Variants in GRID1 observed in about 807,000 individuals in gnomAD.
GRID1 encodes glutamate ionotropic receptor delta type subunit 1.
In GRID1, 28 loss-of-function variants were observed where a neutral mutation model predicts 98.0. The observed-to-expected ratio is 0.29, with a 90% CI of 0.21 to 0.39. The LOEUF (loss-of-function observed/expected upper bound fraction) is 0.39, where lower values mean the gene tolerates loss of function less well. GRID1 is among the 10% of genes least tolerant of loss of function. GRID1 has a pLI of 1.00. For missense variants in GRID1, 1,111 were observed against 1,340.5 expected (o/e 0.83, Z 2.67); for synonymous variants, 553 against 538.5 (o/e 1.03, Z -0.37).
At chr10:86,226,730 C>T (rs1846356822) in intron 2 of GRID1, among the ~76,000 whole-genome samples, 1 of 148,880 alleles carries the variant, frequency 6.7e-6, no homozygotes, top group African/African-American at 2.5e-5. Context: ...AAGTCCCAGC[C>T]CGGCCTCCTC....
intron 3 of GRID1, among the ~76,000 whole-genome samples, chr10:86,150,687 C>T (rs1380556935): frequency 6.6e-6 from 1 of 152,154 alleles, no homozygotes; most frequent in Non-Finnish European, 1.5e-5. Context: ...AAAATCCTAA[C>T]CCTCAAGGTG....
rs994103061 is a variant in GRID1, at chr10:86,234,174, C to T, written c.236-27526G>A. ...GTTTGCTACCAGACCTTAGCTGGCC[C>T]GGCAGAAATGCTCCATCCCCCTTTT... is the stretch of plus-strand genomic sequence containing the variant. On this transcript the variant is annotated intron_variant, in intron 2 of 15. Transcript: ENST00000327946. Among the ~76,000 whole-genome samples, 7 of 152,246 alleles carry T rather than the reference C, an allele frequency of 4.6e-5. 1 individual carries two copies. Among genetic ancestry groups the T allele is most frequent in the South Asian group, 4.2e-4 (2 of 4,818 alleles).
intron 12 of GRID1, among the ~76,000 whole-genome samples, chr10:85,652,703 C>T (rs972420734): frequency 4.6e-5 from 7 of 152,168 alleles, no homozygotes; most frequent in Admixed American, 3.9e-4. Flanking sequence ...TTCCAGAGGG[C>T]ACCATGACCC....
Position 86,138,810 on chromosome 10 carries a change from A to C in GRID1, c.726+9T>G. On this transcript the variant is annotated intron_variant, in intron 4 of 15. Transcript: ENST00000327946. ...CAGGCCCCTGAGGCCTCAGGCCCCCATGACCTACCTCGTTGATGAAGGAGT... is the reference window on the plus strand; with the variant it reads ...CAGGCCCCTGAGGCCTCAGGCCCCCCTGACCTACCTCGTTGATGAAGGAGT... 6.2e-7 allele frequency: 1 copy of C among 1,611,740 alleles called. No individual in the cohort carries two copies. Among genetic ancestry groups the C allele is most frequent in the South Asian group, 1.1e-5 (1 of 91,032 alleles).
At chr10:85,694,550 GTATATATATATATATATATA>G (rs56344083) in intron 12 of GRID1, among the ~76,000 whole-genome samples, 13,249 of 92,570 alleles carry the variant, frequency 0.14, 1,193 homozygotes, top group Non-Finnish European at 0.18. Flanking sequence ...AATGTGGTGT[GTATATATATATATATATATA>G]TATATATATA....
rs902446901 is a variant in GRID1, at chr10:85,737,692, A to C, written c.1234-8078T>G. Among the ~76,000 whole-genome samples the C allele has an allele frequency of 5.0e-3, 531 of 106,500 alleles. 31 individuals carry two copies. The highest frequency in any genetic ancestry group is 0.022 in the African/African-American group (495 of 22,226). 69.9% of individuals were successfully genotyped at this position (106,500 alleles called of 152,430 possible). On this transcript the variant is annotated intron_variant, in intron 8 of 15. Coordinates refer to ENST00000327946, the MANE Select transcript of GRID1 (RefSeq NM_017551.3). ...TATATATAAACATATATGGTTATAT[A>C]TATATATATATAACATACATGTTTA...
At position 85,613,406 on chromosome 10, in the gene GRID1, C is replaced by T; in HGVS notation, c.2601+1G>A. The T allele has an allele frequency of 6.2e-7, 1 of 1,611,502 alleles. No individual in the cohort carries two copies. Among genetic ancestry groups the T allele is most frequent in the Non-Finnish European group, 8.5e-7 (1 of 1,179,044 alleles). On this transcript the variant is annotated splice_donor_variant, in intron 15 of 15. Transcript: ENST00000327946. LOFTEE classifies it high-confidence loss of function. ...GGGAGGGCAGGCCCCAGGGTGCTGA[C>T]CTCCTTGGGGGTCTCCTGGTGGCAC...
chr10:85,895,111 C>A (rs1277802413), intron 5 of GRID1, among the ~76,000 whole-genome samples: 1 of 150,238 alleles, frequency 6.7e-6, no homozygotes, highest in Admixed American at 6.7e-5. Context: ...CTTGAAGGTG[C>A]TTGTTTTTGC....
intron 4 of GRID1, among the ~76,000 whole-genome samples, chr10:86,130,673 C>T (rs1844821862): frequency 6.6e-6 from 1 of 152,228 alleles, no homozygotes; most frequent in Non-Finnish European, 1.5e-5. Flanking sequence ...AGAGCCACTT[C>T]CATCTGGCAA....
intron 15 of GRID1, chr10:85,605,560 T>A (rs1211549101): frequency 1.3e-5 from 2 of 152,178 alleles, no homozygotes; most frequent in African/African-American, 4.8e-5. Context: ...CCTTCAGGAC[T>A]TTAAGGACCC....
chr10:86,334,636 C>G (rs1848198713), intron 2 of GRID1, among the ~76,000 whole-genome samples: 2 of 152,210 alleles, frequency 1.3e-5, no homozygotes, highest in Non-Finnish European at 2.9e-5. Context: ...CTTCAAAACC[C>G]AATTCTGACT....
At position 85,599,802 on chromosome 10, in the gene GRID1, A is replaced by AAAAAAATATATATAT; in HGVS notation, c.*2470_*2471insATATATATATTTTTT. ...GTAGAAAATTCTAAAAAAAAAAAAAAATATATATATATATATATAAACATG... is the reference window on the plus strand; with the variant it reads ...GTAGAAAATTCTAAAAAAAAAAAAAAAAAAAATATATATATATATATATATATATATATAAACATG... On this transcript the variant is annotated 3_prime_UTR_variant, in exon 16 of 16. Transcript: ENST00000327946. The AAAAAAATATATATAT allele has an allele frequency of 4.6e-5, 3 of 64,998 alleles. No homozygotes were observed. Among genetic ancestry groups the AAAAAAATATATATAT allele is most frequent in the Non-Finnish European group, 7.7e-5 (3 of 38,792 alleles). 4.0% of individuals were successfully genotyped at this position (64,998 alleles called of 1,614,324 possible).
intron 8 of GRID1, among the ~76,000 whole-genome samples, chr10:85,736,093 G>GGAGA (rs1295523945): frequency 7.0e-6 from 1 of 142,722 alleles, no homozygotes; most frequent in Admixed American, 7.0e-5. Context: ...AAGGAAGGAA[G>GGAGA]GAAGGAGAGA....
At chr10:85,845,230 A>G (rs961747318) in intron 8 of GRID1, among the ~76,000 whole-genome samples, 180 of 151,568 alleles carry the variant, frequency 1.2e-3, no homozygotes, top group African/African-American at 4.2e-3. Flanking sequence ...AGTTCACTAG[A>G]AATAAGTTTG....
intron 2 of GRID1, among the ~76,000 whole-genome samples, chr10:86,257,095 C>T (rs558163711): frequency 6.6e-6 from 1 of 152,318 alleles, no homozygotes; most frequent in South Asian, 2.1e-4. Flanking sequence ...CTTTGGAATA[C>T]GTGATCTGTT....
In GRID1 at chr10:85,872,525, T is replaced by C. The variant is rs1843288037; in HGVS notation, c.781-3345A>G. 2.6e-5 allele frequency among the ~76,000 whole-genome samples: 4 copies of C among 152,312 alleles called. 1 individual carries two copies. The South Asian group carries it at 8.3e-4, about 32-fold the overall frequency. ...CAAGCAGGACCCTGGAAATCTGTAGTGGAGTTGACTTACAAAGTTGCACAG... is the reference window on the plus strand; with the variant it reads ...CAAGCAGGACCCTGGAAATCTGTAGCGGAGTTGACTTACAAAGTTGCACAG... On this transcript the variant is annotated intron_variant, in intron 5 of 15. Coordinates refer to ENST00000327946, the MANE Select transcript of GRID1 (RefSeq NM_017551.3).
intron 4 of GRID1, among the ~76,000 whole-genome samples, chr10:86,092,934 A>G (rs1428124883): frequency 3.3e-5 from 5 of 152,224 alleles, no homozygotes; most frequent in East Asian, 1.9e-4. Context: ...CAGAATACAC[A>G]TTCAACAGCG....
At chr10:85,815,211 C>T (rs1405091080) in intron 8 of GRID1, among the ~76,000 whole-genome samples, 1 of 151,966 alleles carries the variant, frequency 6.6e-6, no homozygotes, top group Non-Finnish European at 1.5e-5. Flanking sequence ...ATGATAAAAA[C>T]TCTCAAGGAA....
At chr10:86,016,506 T>G (rs1842982827) in intron 4 of GRID1, among the ~76,000 whole-genome samples, 1 of 152,124 alleles carries the variant, frequency 6.6e-6, no homozygotes, top group Admixed American at 6.5e-5. Context: ...TGAGTAAGAG[T>G]TAATTTCTAT....
Sources: gnomAD v4.1 joint callset for allele counts (sites outside exome capture counted in the v4.1 genomes callset) on GRCh38, gnomAD v4.1.1 for gene constraint, MANE v1.5 for transcripts, NCBI Gene and HGNC (gene_info 2026-07-23, HGNC 2026-07-21) for gene names.